Variants in WDR37 observed in about 807,000 individuals in gnomAD.
WDR37 encodes the protein WD repeat-containing protein 37.
Under a neutral mutation model 62.9 loss-of-function variants are expected in WDR37, and 19 were observed. The ratio of observed to expected loss-of-function variants is 0.30; its 90% confidence interval spans 0.21 to 0.44. The LOEUF (loss-of-function observed/expected upper bound fraction) is 0.44, where lower values mean the gene tolerates loss of function less well. Among genes scored for constraint, WDR37 ranks in the 20% least tolerant of loss-of-function variants. The pLI is 1.00. For missense variants in WDR37, 474 were observed against 657.6 expected (o/e 0.72, Z 3.05); for synonymous variants, 250 against 260.9 (o/e 0.96, Z 0.40).
intron 2 of WDR37, chr10:1,074,514 T>C (rs1183521902): frequency 7.7e-7 from 1 of 1,304,230 alleles, no homozygotes; most frequent in Non-Finnish European, 1.0e-6. Context: ...GTTCTGTAAG[T>C]GGCCCCCGTG....
chr10:1,120,410 T>G (rs572726263), intron 11 of WDR37, among the ~76,000 whole-genome samples: 12 of 152,292 alleles, frequency 7.9e-5, no homozygotes, highest in African/African-American at 2.9e-4. Flanking sequence ...CTTATTGGGG[T>G]GTCCTTTGGT....
At chr10:1,113,167 C>A (rs1447553386) in intron 11 of WDR37, among the ~76,000 whole-genome samples, 1 of 152,088 alleles carries the variant, frequency 6.6e-6, no homozygotes, top group Non-Finnish European at 1.5e-5. Flanking sequence ...ATCCTAGGGC[C>A]CTTAAGAATT....
intron 11 of WDR37, among the ~76,000 whole-genome samples, chr10:1,112,784 G>C (rs1201912454): frequency 1.3e-5 from 2 of 152,334 alleles, no homozygotes; most frequent in Middle Eastern, 3.4e-3. Flanking sequence ...CTTCAATTCT[G>C]TGAGGGCTTA....
At position 1,107,822 on chromosome 10, in the gene WDR37, CAT is replaced by C. The variant is rs565785501; in HGVS notation, c.1103+2556_1103+2557del. Among the ~76,000 whole-genome samples the C allele has an allele frequency of 3.1e-3, 473 of 152,230 alleles. 1 individual carries two copies. Among genetic ancestry groups the C allele is most frequent in the East Asian group, 5.4e-3 (28 of 5,178 alleles). ...TGCAGCACTGCTGTCTCTCTTTACA[CAT>C]GTGTACACGCCTCTCTCTGAAACAC... On this transcript the variant is annotated intron_variant, in intron 11 of 13. Coordinates refer to ENST00000263150, the MANE Select transcript of WDR37 (RefSeq NM_014023.4).
chr10:1,087,223 C>A (rs974308699), intron 7 of WDR37, among the ~76,000 whole-genome samples: 62 of 152,240 alleles, frequency 4.1e-4, no homozygotes, highest in Non-Finnish European at 6.6e-4. Flanking sequence ...GTTAGACCCC[C>A]TCCTCCGTGC....
At position 1,124,164 on chromosome 10, in the gene WDR37, G is replaced by A. The variant is rs570671666; in HGVS notation, c.1104-54G>A. The stretch of plus-strand genomic sequence containing the variant: ...TTGGTCAGGGTTGTGTGTGGGGTGT[G>A]GTGTCACGTCCTGCACCTGCTGTTG... On this transcript the variant is annotated intron_variant, in intron 11 of 13. Transcript: ENST00000263150. 8.1e-6 allele frequency: 13 copies of A among 1,607,576 alleles called. No individual in the cohort carries two copies. In the African/African-American group the frequency reaches 1.7e-4, roughly 21 times the overall value.
chr10:1,094,360 A>G (rs1834495804), intron 8 of WDR37, among the ~76,000 whole-genome samples: 1 of 152,166 alleles, frequency 6.6e-6, no homozygotes, highest in Non-Finnish European at 1.5e-5. Flanking sequence ...TGAGGTTGAG[A>G]TGACTGGCCC....
intron 13 of WDR37, among the ~76,000 whole-genome samples, chr10:1,126,864 G>A: frequency 6.6e-6 from 1 of 152,236 alleles, no homozygotes; most frequent in Non-Finnish European, 1.5e-5. Flanking sequence ...ACTGTTTGAA[G>A]TTAATTATTG....
intron 3 of WDR37, among the ~76,000 whole-genome samples, chr10:1,079,045 G>GAA (rs1205527188): frequency 6.6e-6 from 1 of 151,690 alleles, no homozygotes; most frequent in Non-Finnish European, 1.5e-5. Flanking sequence ...TTTTTAAAGA[G>GAA]TCCACCTTTA....
At chr10:1,075,442 G>A (rs1436199589) in intron 2 of WDR37, among the ~76,000 whole-genome samples, 3 of 50,024 alleles carry the variant, frequency 6.0e-5, no homozygotes, top group Non-Finnish European at 1.2e-4. Context: ...GCCCCCCAAC[G>A]CCCCGACAGG....
Position 1,105,602 on chromosome 10 carries a change from C to T in WDR37, c.1103+335C>T, listed in dbSNP as rs1834978500. ...GGGGCCGGCCACGCCACCATAGGAGCCGCGGGAGCTGTTACTCCTACCCAC... is the reference window on the plus strand; with the variant it reads ...GGGGCCGGCCACGCCACCATAGGAGTCGCGGGAGCTGTTACTCCTACCCAC... On this transcript the variant is annotated intron_variant, in intron 11 of 13. Coordinates refer to ENST00000263150, the MANE Select transcript of WDR37 (RefSeq NM_014023.4). This position sits in a 1 kb window ranked among gnomAD's most constrained non-coding sequence, Gnocchi z 5.3. Among the ~76,000 whole-genome samples the T allele has an allele frequency of 6.6e-6, 1 of 152,120 alleles. No individual in the cohort carries two copies. The highest frequency in any genetic ancestry group is 2.4e-5 in the African/African-American group (1 of 41,420).
intron 9 of WDR37, among the ~76,000 whole-genome samples, chr10:1,097,490 G>T (rs1834627788): frequency 6.6e-6 from 1 of 152,238 alleles, no homozygotes; most frequent in Non-Finnish European, 1.5e-5. Context: ...AGGGAAGAAT[G>T]CCCCGAAGGT....
intron 3 of WDR37, among the ~76,000 whole-genome samples, chr10:1,079,642 C>T (rs1376816958): frequency 2.0e-5 from 3 of 151,730 alleles, no homozygotes; most frequent in African/African-American, 7.3e-5. Flanking sequence ...TCAAGCAATT[C>T]TCCTGCCTCA....
chr10:1,092,574 G>GGT (rs1326799208), intron 7 of WDR37, among the ~76,000 whole-genome samples: 1 of 151,746 alleles, frequency 6.6e-6, no homozygotes, highest in African/African-American at 2.4e-5. Context: ...GTTTCACCAT[G>GGT]GTCTCGATCT....
intron 11 of WDR37, among the ~76,000 whole-genome samples, chr10:1,120,907 C>T (rs1202025538): frequency 2.0e-5 from 3 of 152,376 alleles, no homozygotes; most frequent in Admixed American, 6.5e-5. Context: ...AGCTTCGCGG[C>T]GTTTCCGCTG....
chr10:1,118,873 C>A (rs891070440), intron 11 of WDR37, among the ~76,000 whole-genome samples: 1 of 152,212 alleles, frequency 6.6e-6, no homozygotes, highest in Admixed American at 6.5e-5. Context: ...TTTGTTTCAG[C>A]TTCTCTGGAA....
intron 11 of WDR37, among the ~76,000 whole-genome samples, chr10:1,115,356 G>C (rs1304593224): frequency 1.3e-5 from 2 of 152,158 alleles, no homozygotes; most frequent in African/African-American, 4.8e-5. Flanking sequence ...AATTTTAAAA[G>C]ATCAGTTGAG....
At chr10:1,126,267 G>T (rs377423879) in intron 13 of WDR37, among the ~76,000 whole-genome samples, 13 of 151,998 alleles carry the variant, frequency 8.6e-5, no homozygotes, top group Middle Eastern at 6.3e-3. Flanking sequence ...TCAGCCAGGC[G>T]TGGTGGCGGG....
At chr10:1,102,236 G>A (rs1476313737) in intron 9 of WDR37, among the ~76,000 whole-genome samples, 11 of 148,406 alleles carry the variant, frequency 7.4e-5, no homozygotes, top group Non-Finnish European at 1.0e-4. Flanking sequence ...TGCGACGTGC[G>A]ATCCCGTGCC....
Sources: gnomAD v4.1 joint callset for allele counts (sites outside exome capture counted in the v4.1 genomes callset) on GRCh38, gnomAD v4.1.1 for gene constraint, Gnocchi (gnomAD v3.1) non-coding constraint, MANE v1.5 for transcripts, NCBI Gene and HGNC (gene_info 2026-07-23, HGNC 2026-07-21) for gene names.